The following PDE3B variants were observed in gnomAD, a reference collection of about 807,000 sequenced individuals.
PDE3B encodes cGMP-inhibited 3',5'-cyclic phosphodiesterase 3B.
A neutral mutation model predicts 116.8 loss-of-function variants in PDE3B; 66 were observed. The ratio of observed to expected loss-of-function variants is 0.56; its 90% CI spans 0.46 to 0.69. The LOEUF (loss-of-function observed/expected upper bound fraction) is 0.69, where lower values mean the gene tolerates loss of function less well. PDE3B is among the 30% of genes least tolerant of loss of function. The probability of loss-of-function intolerance (pLI) is 0.00; values close to 1 mark genes in which losing one functional copy is unlikely to be tolerated. For synonymous variants in PDE3B, 595 were observed against 533.6 expected, an observed-to-expected ratio of 1.12 and a Z score of -1.59; for missense variants, 1,384 against 1,368.1, an observed-to-expected ratio of 1.01 and a Z score of -0.18.
In PDE3B at chr11:14,741,389, T is replaced by C. The variant is rs1856768539; in HGVS notation, c.979-30548T>C. Among the ~76,000 whole-genome samples the C allele has an allele frequency of 1.3e-5, 2 of 152,144 alleles. 1 individual carries two copies. The highest frequency in any genetic ancestry group is 4.1e-4 in the South Asian group (2 of 4,826). ...TTTGTGTCTTTTGAGCTTTGTTGGTTTAAAGTCCGTTTTATCAGAGACTAG... is the reference window on the plus strand; with the variant it reads ...TTTGTGTCTTTTGAGCTTTGTTGGTCTAAAGTCCGTTTTATCAGAGACTAG... On this transcript the variant is annotated intron_variant, in intron 1 of 15. Coordinates refer to ENST00000282096, the MANE Select transcript of PDE3B (RefSeq NM_000922.4).
At chr11:14,889,164 G>GTTTTTTTT in the PDE3B span, among the ~76,000 whole-genome samples, 1 of 140,178 alleles carries the variant, frequency 7.1e-6, no homozygotes, top group Non-Finnish European at 1.5e-5. Context: ...AAGTCCAGTT[G>GTTTTTTTT]TTTTTTTTTT....
At chr11:14,888,957 A>C in the PDE3B span, among the ~76,000 whole-genome samples, 110 of 152,330 alleles carry the variant, frequency 7.2e-4, no homozygotes, top group African/African-American at 2.5e-3. Flanking sequence ...TACTGCAGAA[A>C]TTTAAACATT....
chr11:14,721,792 G>C (rs1396900646), intron 1 of PDE3B, among the ~76,000 whole-genome samples: 1 of 65,438 alleles, frequency 1.5e-5, no homozygotes, highest in Admixed American at 1.6e-4. Context: ...GGGGCAGGGG[G>C]GAGGGGTAGC....
At position 14,723,761 on chromosome 11, in the gene PDE3B, C is replaced by CA. The variant is rs545941260; in HGVS notation, c.979-48165dup. ...TGGGCAATAGAGTGAGACTCCATCT[C>CA]AAAAAAAAAAACAAAAACCAGTAAA... On this transcript the variant is annotated intron_variant, in intron 1 of 15. Coordinates refer to ENST00000282096, the MANE Select transcript of PDE3B (RefSeq NM_000922.4). Among the ~76,000 whole-genome samples the CA allele has an allele frequency of 3.2e-3, 414 of 130,410 alleles. 1 individual carries two copies. The highest frequency in any genetic ancestry group is 6.4e-3 in the East Asian group (29 of 4,564). 85.6% of individuals were successfully genotyped at this position (130,410 alleles called of 152,430 possible).
At chr11:14,652,639 A>G (rs1331391679) in intron 1 of PDE3B, among the ~76,000 whole-genome samples, 1 of 152,142 alleles carries the variant, frequency 6.6e-6, no homozygotes, top group Non-Finnish European at 1.5e-5. Context: ...AGATCTCCCT[A>G]TCTTTTCCAT....
chr11:14,667,178 G>A (rs1022297940), intron 1 of PDE3B, among the ~76,000 whole-genome samples: 3 of 151,180 alleles, frequency 2.0e-5, no homozygotes, highest in Admixed American at 6.6e-5. Flanking sequence ...GTAAACTATC[G>A]CAAGGACAAA....
chr11:14,846,145 C>G (rs1847596693), intron 12 of PDE3B, among the ~76,000 whole-genome samples: 1 of 152,300 alleles, frequency 6.6e-6, no homozygotes, highest in East Asian at 1.9e-4. Context: ...GATCTCTCAG[C>G]AGAAACTCTA....
chr11:14,759,146 G>T (rs999005640), intron 1 of PDE3B, among the ~76,000 whole-genome samples: 1 of 152,120 alleles, frequency 6.6e-6, no homozygotes, highest in Non-Finnish European at 1.5e-5. Context: ...TAAGCTTTTT[G>T]ATGTGCTGCT....
rs1859857323 is a variant in PDE3B at position 14,830,764 on chromosome 11, CAG to C, written c.1878_1879del (p.Lys627GlufsTer11). ...ATGGAAACTCAACAAGAAGAGGAAACAGAGAAGAAAGACAGCAGAAAATTATT... is the reference window on the plus strand; with the variant it reads ...ATGGAAACTCAACAAGAAGAGGAAACAGAAGAAAGACAGCAGAAAATTATT... On this transcript the variant is annotated frameshift_variant, in exon 8 of 16. Coordinates refer to ENST00000282096, the MANE Select transcript of PDE3B (RefSeq NM_000922.4). LOFTEE classifies it high-confidence loss of function. 2.0e-5 allele frequency: 30 copies of C among 1,536,010 alleles called. No homozygotes were observed. The highest frequency in any genetic ancestry group is 2.4e-5 in the Non-Finnish European group (28 of 1,146,176).
intron 1 of PDE3B, among the ~76,000 whole-genome samples, chr11:14,759,734 A>G (rs1200040436): frequency 6.6e-6 from 1 of 151,712 alleles, no homozygotes; most frequent in African/African-American, 2.4e-5. Flanking sequence ...TTTTTAGTAG[A>G]TACAGGGTTT....
intron 1 of PDE3B, among the ~76,000 whole-genome samples, chr11:14,685,194 C>G (rs1316164375): frequency 6.6e-6 from 1 of 151,930 alleles, no homozygotes; most frequent in Non-Finnish European, 1.5e-5. Context: ...ATTTTGGGAA[C>G]TGATATATGT....
At chr11:14,670,943 G>A (rs991527328) in intron 1 of PDE3B, among the ~76,000 whole-genome samples, 1 of 151,782 alleles carries the variant, frequency 6.6e-6, no homozygotes, top group African/African-American at 2.4e-5. Flanking sequence ...TCCTGGGTAG[G>A]TAATACTCTT....
At chr11:14,765,155 G>A (rs939712251) in intron 1 of PDE3B, among the ~76,000 whole-genome samples, 1 of 152,020 alleles carries the variant, frequency 6.6e-6, no homozygotes, top group Non-Finnish European at 1.5e-5. Context: ...TGAAGCTCAA[G>A]TAAAATGTCA....
At chr11:14,784,513 C>T (rs1001368559) in intron 2 of PDE3B, among the ~76,000 whole-genome samples, 5 of 152,016 alleles carry the variant, frequency 3.3e-5, no homozygotes, top group East Asian at 1.9e-4. Context: ...CAAGGGCAAC[C>T]GCTAAGAAAA....
chr11:14,709,612 T>TA (rs1855639375), intron 1 of PDE3B, among the ~76,000 whole-genome samples: 1 of 152,192 alleles, frequency 6.6e-6, no homozygotes, highest in African/African-American at 2.4e-5. Context: ...TACAGATTTG[T>TA]GTGTGTTCTG....
In PDE3B at chr11:14,742,503, C is replaced by A. The variant is rs534156180; in HGVS notation, c.979-29434C>A. 3.9e-5 allele frequency among the ~76,000 whole-genome samples: 6 copies of A among 152,208 alleles called. No homozygotes were observed. The East Asian group carries it at 1.2e-3, about 29-fold the overall frequency. On this transcript the variant is annotated intron_variant, in intron 1 of 15. Transcript: ENST00000282096. The stretch of plus-strand genomic sequence containing the variant: ...ATTCATCTAACCTTTTTTCTAGGTT[C>A]TTAGCTTCCTTGCTTTGGGTTAGGA...
Position 14,786,565 on chromosome 11 carries a change from A to T in PDE3B, c.1158A>T (p.Leu386Phe). 6.2e-7 allele frequency: 1 copy of T among 1,613,304 alleles called. No homozygotes were observed. Among genetic ancestry groups the T allele is most frequent in the Non-Finnish European group, 8.5e-7 (1 of 1,179,450 alleles). The change falls in exon 3 of 16, where the codon TTA (leucine) becomes TTT (phenylalanine). Residue 386 changes from leucine to phenylalanine, a missense_variant. Leu to Phe is a conservative substitution (Grantham distance 22). Coordinates refer to ENST00000282096, the MANE Select transcript of PDE3B (RefSeq NM_000922.4). Reference sequence around the variant, plus strand: ...CCTCTCTACGGAGTATTAGTAGCTTAATGGGTGCTTTCTCAGGTTCCTGTA... The same window carrying T: ...CCTCTCTACGGAGTATTAGTAGCTTTATGGGTGCTTTCTCAGGTTCCTGTA... ...VISSLRSISS[L>F]MGAFSGSCRP... is the part of the protein sequence containing the mutation.
At chr11:14,851,698 T>G (rs1016064438) in intron 12 of PDE3B, among the ~76,000 whole-genome samples, 2 of 152,170 alleles carry the variant, frequency 1.3e-5, no homozygotes, top group Non-Finnish European at 2.9e-5. Flanking sequence ...GTGGCACATA[T>G]TTTCTTATTT....
intron 4 of PDE3B, among the ~76,000 whole-genome samples, chr11:14,793,816 A>G (rs1858465032): frequency 6.6e-6 from 1 of 152,186 alleles, no homozygotes. Context: ...TGGCAATAGT[A>G]TGTATGTTAA....
Sources: gnomAD v4.1 joint callset for allele counts (sites outside exome capture counted in the v4.1 genomes callset) on GRCh38, gnomAD v4.1.1 for gene constraint, MANE v1.5 for transcripts, NCBI Gene and HGNC (gene_info 2026-07-23, HGNC 2026-07-21) for gene names.